UST: variants seen among roughly 807,000 people sequenced by gnomAD.
The protein encoded by UST is chondroitin sulfate 2-O-sulfotransferase.
UST carries 21 observed loss-of-function variants against 45.6 expected under a neutral mutation model. That is an observed-to-expected ratio of 0.46 (90% CI 0.33 to 0.66). UST has a LOEUF of 0.66. Among genes scored for constraint, UST ranks in the 30% least tolerant of loss-of-function variants. The pLI is 0.02. For missense variants in UST, 463 were observed against 512.4 expected (o/e 0.90, Z 0.93); for synonymous variants, 215 against 200.6 (o/e 1.07, Z -0.61).
chr6:148,838,922 A>G (rs1170974787), intron 1 of UST, among the ~76,000 whole-genome samples: 1 of 152,152 alleles, frequency 6.6e-6, no homozygotes, highest in East Asian at 1.9e-4. Flanking sequence ...GGTCCCCTGA[A>G]TTGTTCTGAA....
chr6:148,771,805 T>G (rs1776432508), intron 1 of UST, among the ~76,000 whole-genome samples: 1 of 152,206 alleles, frequency 6.6e-6, no homozygotes, highest in African/African-American at 2.4e-5. Flanking sequence ...TGCAGGTAAC[T>G]ACTAAATTTG....
chr6:149,063,040 A>C (rs367676707), intron 7 of UST, among the ~76,000 whole-genome samples: 1 of 152,340 alleles, frequency 6.6e-6, no homozygotes, highest in African/African-American at 2.4e-5. Context: ...TGGGTGGCCA[A>C]CTACAGATTT....
At chr6:149,062,510 G>A (rs1310632744) in intron 7 of UST, among the ~76,000 whole-genome samples, 14 of 152,208 alleles carry the variant, frequency 9.2e-5, no homozygotes. Context: ...CCCTTTCAGT[G>A]TGAAAACATT....
chr6:148,747,307 C>G lies in UST; in HGVS notation c.-124C>G, dbSNP rs983147954. ...CCGGCAACTTCGGCCCCTCCCCGCC[C>G]CCACCCGGCTGCCCTCCGCGCGGCC... On this transcript the variant is annotated 5_prime_UTR_variant, in exon 1 of 8. Transcript: ENST00000367463. 1 of 1,213,614 alleles carries G rather than the reference C, an allele frequency of 8.2e-7. No homozygotes were observed. The highest frequency in any genetic ancestry group is 1.1e-6 in the Non-Finnish European group (1 of 944,060). 75.2% of individuals were successfully genotyped at this position (1,213,614 alleles called of 1,614,324 possible). A position where few individuals can be genotyped will look rare whatever the true frequency, so the allele number is the denominator to read the frequency against.
rs1053497072 is a variant in UST, at chr6:149,017,965, C to A, written c.682-1174C>A. ...ACATGGCTGGACAGACATATGCACC[C>A]CCCTATTCACTTCTCATATGTTCCT... On this transcript the variant is annotated intron_variant, in intron 5 of 7. Coordinates refer to ENST00000367463, the MANE Select transcript of UST (RefSeq NM_005715.3). Among the ~76,000 whole-genome samples the A allele has an allele frequency of 2.6e-5, 4 of 152,126 alleles. No homozygotes were observed. The East Asian group carries it at 7.7e-4, about 29-fold the overall frequency.
At chr6:149,031,818 G>T (rs1776147151) in intron 7 of UST, among the ~76,000 whole-genome samples, 1 of 152,208 alleles carries the variant, frequency 6.6e-6, no homozygotes, top group African/African-American at 2.4e-5. Flanking sequence ...TGAAAATCTT[G>T]TCTAGCTGGA....
At chr6:149,068,449 A>G (rs763977374) in intron 7 of UST, among the ~76,000 whole-genome samples, 3 of 152,222 alleles carry the variant, frequency 2.0e-5, no homozygotes, top group Non-Finnish European at 4.4e-5. Context: ...AGTGCTTGCT[A>G]CACATTAGTT....
intron 1 of UST, among the ~76,000 whole-genome samples, chr6:148,768,591 T>G (rs1317112212): frequency 6.6e-6 from 1 of 152,240 alleles, no homozygotes; most frequent in African/African-American, 2.4e-5. Flanking sequence ...CACTTTTTCA[T>G]TTACTTTTTA....
chr6:148,834,524 C>T (rs746095267), intron 1 of UST, among the ~76,000 whole-genome samples: 37 of 152,170 alleles, frequency 2.4e-4, no homozygotes, highest in Non-Finnish European at 4.4e-4. Context: ...TGCCTGAGCT[C>T]GGGAGTTCAA....
Position 148,747,432 on chromosome 6 carries a change from TGAA to T in UST, c.10_12del (p.Lys4?), listed in dbSNP as rs753308215. The T allele has an allele frequency of 1.9e-4, 261 of 1,407,978 alleles. 1 individual carries two copies. The highest frequency in any genetic ancestry group is 1.6e-3 in the Middle Eastern group (8 of 5,146). The allele number at this position is 1,407,978 out of a possible 1,614,324, so 87.2% of individuals were successfully genotyped here. ...CTGTGGGAGGCAGCGGAGCAGGCGA[TGAA>T]GAAGAAGCAGCAGCATCCCGGCGGC... On this transcript the variant is annotated start_lost and inframe_deletion, in exon 1 of 8. Transcript: ENST00000367463.
intron 1 of UST, among the ~76,000 whole-genome samples, chr6:148,763,062 C>G (rs1582795269): frequency 6.6e-6 from 1 of 152,134 alleles, no homozygotes; most frequent in Non-Finnish European, 1.5e-5. Flanking sequence ...ATTTTTAGTT[C>G]TTTGAGAAAT....
At chr6:149,052,072 A>G (rs906987757) in intron 7 of UST, among the ~76,000 whole-genome samples, 18 of 152,240 alleles carry the variant, frequency 1.2e-4, no homozygotes, top group African/African-American at 4.3e-4. Flanking sequence ...CTATAAATGC[A>G]CATGTATACT....
chr6:148,987,918 G>C (rs1781267061), intron 5 of UST, among the ~76,000 whole-genome samples: 1 of 152,080 alleles, frequency 6.6e-6, no homozygotes, highest in African/African-American at 2.4e-5. Context: ...TCAGTGGTGA[G>C]GGCTACAGCT....
At chr6:149,054,009 G>A (rs997914484) in intron 7 of UST, among the ~76,000 whole-genome samples, 1 of 152,130 alleles carries the variant, frequency 6.6e-6, no homozygotes, top group Admixed American at 6.5e-5. Context: ...CCCTGTCCAA[G>A]ACACCAGCAC....
At chr6:149,019,076 G>T in intron 5 of UST, 63 bp from the exon 6 acceptor site, 1 of 1,189,606 alleles carries the variant, frequency 8.4e-7, no homozygotes. Flanking sequence ...CTTAAACTGT[G>T]TGGCATTTGA....
chr6:149,018,928 C>CTTA lies in UST; in HGVS notation c.682-210_682-209insTAT, dbSNP rs569931059. On this transcript the variant is annotated intron_variant, in intron 5 of 7. Coordinates refer to ENST00000367463, the MANE Select transcript of UST (RefSeq NM_005715.3). ...CAGTTTACTCAACAGAGCATGCACTCTCTAAAATGGCCCAGCCCTGTGTGT... is the reference window on the plus strand; with the variant it reads ...CAGTTTACTCAACAGAGCATGCACTCTTATCTAAAATGGCCCAGCCCTGTGTGT... Among the ~76,000 whole-genome samples the CTTA allele has an allele frequency of 1.7e-4, 26 of 152,308 alleles. No homozygotes were observed. In the East Asian group the frequency reaches 3.1e-3, roughly 18 times the overall value.
rs1157571448 is a variant in UST, at chr6:148,747,662, C to T, written c.232C>T (p.Leu78=). 2 of 1,600,990 alleles carry T rather than the reference C, an allele frequency of 1.2e-6. No homozygotes were observed. The highest frequency in any genetic ancestry group is 1.7e-6 in the Non-Finnish European group (2 of 1,175,294). ...GGGACCCCCTCGCTTCCTGCTCGAC[C>T]TGCGGCAGTACTTGGGTAAGGAAGC... ...SGGPPRFLLD[L]RQYLGNSTYL... is the part of the protein sequence containing the mutation. Residue 78 remains leucine, a synonymous_variant, in exon 1 of 8, where the codon CTG becomes TTG. Coordinates refer to ENST00000367463, the MANE Select transcript of UST (RefSeq NM_005715.3).
intron 1 of UST, among the ~76,000 whole-genome samples, chr6:148,817,117 A>C (rs182518097): frequency 2.6e-5 from 4 of 151,830 alleles, no homozygotes; most frequent in African/African-American, 9.7e-5. Flanking sequence ...CACGTGGCCT[A>C]CTCTTTCAGA....
chr6:149,016,199 G>C (rs181887588), intron 5 of UST, among the ~76,000 whole-genome samples: 1 of 152,202 alleles, frequency 6.6e-6, no homozygotes, highest in Non-Finnish European at 1.5e-5. Context: ...CCCAGGATGC[G>C]TCTTGGTCTA....
Sources: allele counts gnomAD v4.1 joint callset (sites outside exome capture counted in the v4.1 genomes callset), GRCh38; gene constraint gnomAD v4.1.1; transcripts MANE v1.5; gene names NCBI Gene and HGNC (gene_info 2026-07-23, HGNC 2026-07-21).